ASXL3: variants seen among roughly 807,000 people sequenced by gnomAD.
ASXL3 encodes ASXL transcriptional regulator 3, also known as putative Polycomb group protein ASXL3.
ASXL3 carries 34 observed loss-of-function variants against 170.6 expected under a neutral mutation model. The ratio of observed to expected loss-of-function variants is 0.20; its 90% CI spans 0.15 to 0.27. The LOEUF is 0.27. Ranked by LOEUF, ASXL3 falls within the 10% of genes least tolerant of loss-of-function variation. ASXL3 has a pLI of 1.00. For synonymous variants in ASXL3, 1,002 were observed against 989.1 expected, an observed-to-expected ratio of 1.01 and a Z score of -0.24; for missense variants, 2,592 against 2,695.3, an observed-to-expected ratio of 0.96 and a Z score of 0.85.
chr18:33,700,221 A>G (rs1481727684), intron 8 of ASXL3, among the ~76,000 whole-genome samples: 2 of 152,078 alleles, frequency 1.3e-5, no homozygotes, highest in African/African-American at 4.8e-5. Context: ...AGAGGGAGCA[A>G]TTAAGTAATC....
chr18:33,745,109 T>C lies in ASXL3; in HGVS notation c.5261T>C (p.Leu1754Pro). ...AACAATCCGCTGGTGACGCAGTTAC[T>C]ACAGGGCAACCTGCCTTTGGAAAAA... ...EANNPLVTQL[L>P]QGNLPLEKVL... The change falls in exon 12 of 12, where the codon CTA becomes CCA. Residue 1754 changes from leucine to proline, a missense_variant. Physicochemically the swap from Leu to Pro is moderately conservative, Grantham distance 98. Transcript: ENST00000269197. The C allele has an allele frequency of 6.2e-7, 1 of 1,614,012 alleles. No individual in the cohort carries two copies. The highest frequency in any genetic ancestry group is 8.5e-7 in the Non-Finnish European group (1 of 1,179,890).
intron 1 of ASXL3, among the ~76,000 whole-genome samples, chr18:33,601,677 A>G (rs1220285432): frequency 6.6e-6 from 1 of 151,660 alleles, no homozygotes; most frequent in African/African-American, 2.4e-5. Flanking sequence ...GAGCAGGAAG[A>G]ATATCATTAA....
intron 2 of ASXL3, among the ~76,000 whole-genome samples, chr18:33,635,097 G>A (rs1410537056): frequency 1.3e-5 from 2 of 152,124 alleles, no homozygotes; most frequent in Non-Finnish European, 2.9e-5. Context: ...CATGCTGAGA[G>A]GCAGCCTGAT....
intron 4 of ASXL3, among the ~76,000 whole-genome samples, chr18:33,650,415 T>C (rs953650187): frequency 3.9e-5 from 6 of 152,062 alleles, no homozygotes; most frequent in Non-Finnish European, 5.9e-5. Flanking sequence ...AGAAAAAGGC[T>C]ACCACCTGAG....
intron 1 of ASXL3, among the ~76,000 whole-genome samples, chr18:33,591,688 C>G (rs2065079555): frequency 6.6e-6 from 1 of 150,628 alleles, no homozygotes; most frequent in Non-Finnish European, 1.5e-5. Context: ...GTCGCCCAGG[C>G]TGGAGTGCAG....
intron 1 of ASXL3, among the ~76,000 whole-genome samples, chr18:33,590,111 G>GTTTTTTTTTTTGTTTTTTTTT (rs2065064686): frequency 7.2e-5 from 6 of 83,184 alleles, no homozygotes; most frequent in Non-Finnish European, 1.3e-4. Context: ...TGCTTTCTAT[G>GTTTTTTTTTTTGTTTTTTTTT]TTTTTTTTTT....
chr18:33,684,796 A>G (rs1160261768), intron 8 of ASXL3, among the ~76,000 whole-genome samples: 1 of 152,158 alleles, frequency 6.6e-6, no homozygotes, highest in Admixed American at 6.5e-5. Flanking sequence ...AGTACAAAGT[A>G]TATTGTACTT....
At chr18:33,717,739 T>G (rs118018822) in intron 8 of ASXL3, among the ~76,000 whole-genome samples, 45 of 152,194 alleles carry the variant, frequency 3.0e-4, no homozygotes, top group Non-Finnish European at 4.7e-4. Flanking sequence ...TTTTGTTTTG[T>G]TTTGGTTTGG....
chr18:33,647,100 C>A (rs796278668), intron 4 of ASXL3, among the ~76,000 whole-genome samples: 8 of 148,792 alleles, frequency 5.4e-5, no homozygotes, highest in African/African-American at 1.8e-4. Context: ...TAGTTAAAGT[C>A]TCTGTCAGTA....
intron 2 of ASXL3, among the ~76,000 whole-genome samples, chr18:33,629,077 C>T (rs1171373841): frequency 6.6e-6 from 1 of 152,094 alleles, no homozygotes; most frequent in Non-Finnish European, 1.5e-5. Context: ...CTGATTGTTA[C>T]TAGTACCTTA....
chr18:33,716,307 A>G (rs1470961983), intron 8 of ASXL3, among the ~76,000 whole-genome samples: 1 of 152,236 alleles, frequency 6.6e-6, no homozygotes, highest in African/African-American at 2.4e-5. Flanking sequence ...GGGAAATGCT[A>G]CATTCATTTG....
chr18:33,602,759 A>G (rs1430443992), intron 1 of ASXL3, among the ~76,000 whole-genome samples: 1 of 150,824 alleles, frequency 6.6e-6, no homozygotes, highest in Non-Finnish European at 1.5e-5. Context: ...ATCTCAGAGA[A>G]TGTTAATAAT....
At chr18:33,598,474 C>A (rs904596468) in intron 1 of ASXL3, among the ~76,000 whole-genome samples, 24 of 152,040 alleles carry the variant, frequency 1.6e-4, no homozygotes, top group African/African-American at 4.6e-4. Context: ...AATAAGAAAG[C>A]GTTTATCTGC....
intron 10 of ASXL3, among the ~76,000 whole-genome samples, chr18:33,735,588 GT>G (rs2067531870): frequency 6.6e-6 from 1 of 152,164 alleles, no homozygotes; most frequent in African/African-American, 2.4e-5. Context: ...AGGAGTCTGT[GT>G]TTTGGAAGCT....
At position 33,683,043 on chromosome 18, in the gene ASXL3, G is replaced by A. The variant is rs565514611; in HGVS notation, c.716-362G>A. On this transcript the variant is annotated intron_variant, in intron 7 of 11. Coordinates refer to ENST00000269197, the MANE Select transcript of ASXL3 (RefSeq NM_030632.3). ...GTTATCATTAGCCTTAGGTCTTATAGAACTTACATAAATTGTAGTTGTTAC... is the reference window on the plus strand; with the variant it reads ...GTTATCATTAGCCTTAGGTCTTATAAAACTTACATAAATTGTAGTTGTTAC... Among the ~76,000 whole-genome samples, 4 of 152,234 alleles carry A rather than the reference G, an allele frequency of 2.6e-5. No individual in the cohort carries two copies. The East Asian group carries it at 7.7e-4, about 29-fold the overall frequency.
At chr18:33,717,219 G>A (rs182702208) in intron 8 of ASXL3, among the ~76,000 whole-genome samples, 39 of 152,194 alleles carry the variant, frequency 2.6e-4, no homozygotes, top group Non-Finnish European at 4.6e-4. Flanking sequence ...TGACCAGCCA[G>A]CACTAGAGCA....
chr18:33,633,246 A>G (rs1208686098), intron 2 of ASXL3, among the ~76,000 whole-genome samples: 3 of 152,224 alleles, frequency 2.0e-5, no homozygotes, highest in Admixed American at 6.5e-5. Flanking sequence ...TATTTATTGT[A>G]GGAAGATAGT....
intron 8 of ASXL3, among the ~76,000 whole-genome samples, chr18:33,697,227 T>C (rs1206836414): frequency 6.6e-6 from 1 of 152,138 alleles, no homozygotes; most frequent in Admixed American, 6.6e-5. Flanking sequence ...TAAAGTTGAA[T>C]TGATTCAAAA....
At chr18:33,741,757 TG>T (rs1183495351) in intron 11 of ASXL3, among the ~76,000 whole-genome samples, 1 of 152,156 alleles carries the variant, frequency 6.6e-6, no homozygotes, top group Non-Finnish European at 1.5e-5. Context: ...CACCACCAAA[TG>T]GGAAGTCCAA....
Sources: allele counts gnomAD v4.1 joint callset (sites outside exome capture counted in the v4.1 genomes callset), GRCh38; gene constraint gnomAD v4.1.1; transcripts MANE v1.5; gene names NCBI Gene and HGNC (gene_info 2026-07-23, HGNC 2026-07-21).